NLGN1: variants seen among roughly 807,000 people sequenced by gnomAD.
NLGN1 encodes neuroligin 1.
A neutral mutation model predicts 65.5 loss-of-function variants in NLGN1; 12 were observed. The ratio of observed to expected loss-of-function variants is 0.18; its 90% CI spans 0.12 to 0.30. The LOEUF is 0.30. Ranked by LOEUF, NLGN1 falls within the 10% of genes least tolerant of loss-of-function variation. The pLI, the probability that NLGN1 is intolerant of heterozygous loss-of-function variation, is 1.00. For missense variants in NLGN1, 750 were observed against 1,007.1 expected (o/e 0.74, Z 3.46); for synonymous variants, 350 against 359.5 (o/e 0.97, Z 0.30).
intron 2 of NLGN1, among the ~76,000 whole-genome samples, chr3:173,571,735 C>T (rs1228108144): frequency 3.3e-5 from 5 of 152,076 alleles, no homozygotes; most frequent in South Asian, 2.1e-4. Flanking sequence ...AAAGCTCAGG[C>T]GAAGTAGGTT....
intron 2 of NLGN1, among the ~76,000 whole-genome samples, chr3:173,526,840 T>C (rs1013707427): frequency 1.8e-4 from 28 of 152,356 alleles, no homozygotes; most frequent in Non-Finnish European, 2.4e-4. Flanking sequence ...AGTGAGAACA[T>C]GCAAAGTTTG....
At position 173,685,587 on chromosome 3, in the gene NLGN1, A is replaced by G. The variant is rs570931712; in HGVS notation, c.493+80496A>G. 11 of 935,568 alleles carry G rather than the reference A, an allele frequency of 1.2e-5. No individual in the cohort carries two copies. In the East Asian group the frequency reaches 7.0e-4, roughly 60 times the overall value. 58.0% of individuals were successfully genotyped at this position (935,568 alleles called of 1,614,324 possible). A position where few individuals can be genotyped will look rare whatever the true frequency, so the allele number is the denominator to read the frequency against. ...TCATCAAATCCCAGGAAAAGAGGTTATTAAAGTTCAGTTATCAGAGATAGG... is the reference window on the plus strand; with the variant it reads ...TCATCAAATCCCAGGAAAAGAGGTTGTTAAAGTTCAGTTATCAGAGATAGG... On this transcript the variant is annotated intron_variant, in intron 3 of 6. Coordinates refer to ENST00000457714, the Ensembl canonical transcript of NLGN1.
chr3:173,811,567 A>G (rs77905388), intron 4 of NLGN1, among the ~76,000 whole-genome samples: 7 of 127,816 alleles, frequency 5.5e-5, no homozygotes, highest in Admixed American at 2.3e-4. Flanking sequence ...ACTCCGTCTC[A>G]AAAAAAAAAA....
In NLGN1 at chr3:173,667,239, GCA is replaced by G. The variant is rs3032837; in HGVS notation, c.493+62176_493+62177del. The stretch of plus-strand genomic sequence containing the variant: ...TTGCCATAATGAAACACACGCATAT[GCA>G]CACACACACACACACACACACACAC... On this transcript the variant is annotated intron_variant, in intron 3 of 6. Transcript: ENST00000457714. 2.0e-3 allele frequency among the ~76,000 whole-genome samples: 298 copies of G among 147,240 alleles called. 1 individual carries two copies. Among genetic ancestry groups the G allele is most frequent in the Middle Eastern group, 7.0e-3 (2 of 286 alleles).
rs182809275 is a variant in NLGN1 at position 173,746,129 on chromosome 3, C to T, written c.494-61551C>T. ...AGCAGAAAGGAATGAACAGTTTATA[C>T]CCACCTATTAATCTTAGGCTGCGCT... On this transcript the variant is annotated intron_variant, in intron 3 of 6. Transcript: ENST00000457714. Among the ~76,000 whole-genome samples the T allele has an allele frequency of 1.9e-3, 286 of 152,098 alleles. 2 individuals are homozygous for T. The highest frequency in any genetic ancestry group is 4.9e-3 in the Admixed American group (74 of 15,250).
At chr3:173,487,570 T>C (rs1368765544) in intron 2 of NLGN1, among the ~76,000 whole-genome samples, 1 of 152,088 alleles carries the variant, frequency 6.6e-6, no homozygotes, top group Non-Finnish European at 1.5e-5. Flanking sequence ...GTTAAAATTG[T>C]CAAATTCCAT....
intron 2 of NLGN1, among the ~76,000 whole-genome samples, chr3:173,581,502 T>G (rs1267923336): frequency 1.3e-5 from 2 of 152,024 alleles, no homozygotes; most frequent in East Asian, 3.9e-4. Context: ...CTGTTACTAT[T>G]TGTGAGATCA....
intron 2 of NLGN1, among the ~76,000 whole-genome samples, chr3:173,566,041 G>C (rs1216885547): frequency 6.6e-6 from 1 of 152,198 alleles, no homozygotes; most frequent in Non-Finnish European, 1.5e-5. Context: ...AAGAAGGGAT[G>C]AGCATACTGG....
At chr3:173,764,540 TGA>T (rs1340159779) in intron 3 of NLGN1, among the ~76,000 whole-genome samples, 1 of 152,198 alleles carries the variant, frequency 6.6e-6, no homozygotes, top group African/African-American at 2.4e-5. Flanking sequence ...AAGAAGACTC[TGA>T]GAAGTATATC....
intron 3 of NLGN1, among the ~76,000 whole-genome samples, chr3:173,632,834 A>G (rs1560081595): frequency 8.3e-6 from 1 of 120,640 alleles, no homozygotes; most frequent in East Asian, 2.6e-4. Flanking sequence ...CTCCTTGAGT[A>G]GTGTTTTTTT....
rs373758525 is a variant in NLGN1 at position 173,433,937 on chromosome 3, T to A, written c.-389-1073T>A. 5.3e-5 allele frequency among the ~76,000 whole-genome samples: 8 copies of A among 152,332 alleles called. 1 individual carries two copies. The highest frequency in any genetic ancestry group is 9.6e-5 in the African/African-American group (4 of 41,588). ...TTAGCATTAAGATTTGTTTATGATT[T>A]ACTATATAAAATGATGAAATATAGA... On this transcript the variant is annotated intron_variant, in intron 1 of 6. Coordinates refer to ENST00000457714, the Ensembl canonical transcript of NLGN1.
At chr3:173,741,967 C>T (rs376869861) in intron 3 of NLGN1, among the ~76,000 whole-genome samples, 15 of 152,220 alleles carry the variant, frequency 9.9e-5, no homozygotes, top group African/African-American at 3.1e-4. Context: ...TTCCCACCCC[C>T]TCTAGGCCCT....
chr3:174,278,396 G>A (rs542214312), intron 5 of NLGN1, among the ~76,000 whole-genome samples: 1 of 152,000 alleles, frequency 6.6e-6, no homozygotes, highest in East Asian at 1.9e-4. Context: ...AATAACATCT[G>A]TTTAAAACAA....
chr3:173,929,764 G>A (rs968144236), intron 4 of NLGN1, among the ~76,000 whole-genome samples: 11 of 151,012 alleles, frequency 7.3e-5, no homozygotes, highest in African/African-American at 2.4e-4. Flanking sequence ...GAGTGCAATG[G>A]CACGATCTTG....
intron 4 of NLGN1, among the ~76,000 whole-genome samples, chr3:174,217,252 G>A (rs890145650): frequency 6.6e-6 from 1 of 152,014 alleles, no homozygotes; most frequent in Non-Finnish European, 1.5e-5. Flanking sequence ...ATGCTGCATT[G>A]TCATGCTACA....
chr3:174,010,360 G>C (rs911889657), intron 4 of NLGN1, among the ~76,000 whole-genome samples: 1 of 152,080 alleles, frequency 6.6e-6, no homozygotes, highest in Non-Finnish European at 1.5e-5. Flanking sequence ...TATGTAAAGG[G>C]ACAGTCCTTT....
At chr3:174,177,269 A>G (rs1411073505) in intron 4 of NLGN1, among the ~76,000 whole-genome samples, 1 of 152,076 alleles carries the variant, frequency 6.6e-6, no homozygotes, top group African/African-American at 2.4e-5. Flanking sequence ...TATTATAGGT[A>G]CTTTTTCTCT....
At chr3:174,043,112 A>G (rs780496680) in intron 4 of NLGN1, among the ~76,000 whole-genome samples, 3 of 152,208 alleles carry the variant, frequency 2.0e-5, no homozygotes, top group African/African-American at 4.8e-5. Flanking sequence ...CTCACTCACC[A>G]TCATGAGAAC....
intron 2 of NLGN1, among the ~76,000 whole-genome samples, chr3:173,545,065 T>G (rs1318582424): frequency 9.2e-6 from 1 of 108,864 alleles, no homozygotes; most frequent in Admixed American, 9.1e-5. Context: ...TGGTTGTTTT[T>G]TTTGTTTGTT....
Sources: gnomAD v4.1 joint callset for allele counts (sites outside exome capture counted in the v4.1 genomes callset) on GRCh38, gnomAD v4.1.1 for gene constraint, MANE v1.5 for transcripts, NCBI Gene and HGNC (gene_info 2026-07-23, HGNC 2026-07-21) for gene names.